DNAJC6: variants seen among roughly 807,000 people sequenced by gnomAD.
DNAJC6 encodes DnaJ heat shock protein family (Hsp40) member C6.
DNAJC6 carries 34 observed loss-of-function variants against 110.0 expected under a neutral mutation model. The ratio of observed to expected loss-of-function variants is 0.31; its 90% CI spans 0.24 to 0.41. DNAJC6 has a LOEUF of 0.41. Among genes scored for constraint, DNAJC6 ranks in the 10% least tolerant of loss-of-function variants. The pLI is 1.00. For missense variants in DNAJC6, 1,031 were observed against 1,207.8 expected, an observed-to-expected ratio of 0.85 and a Z score of 2.17; for synonymous variants, 406 against 437.2, an observed-to-expected ratio of 0.93 and a Z score of 0.89.
chr1:65,344,234 A>G (rs905616526), intron 1 of DNAJC6, among the ~76,000 whole-genome samples: 2 of 152,228 alleles, frequency 1.3e-5, no homozygotes, highest in Non-Finnish European at 2.9e-5. Flanking sequence ...CCTTACAATA[A>G]TGAATGATGG....
chr1:65,301,134 C>A (rs1644974677), intron 1 of DNAJC6, among the ~76,000 whole-genome samples: 1 of 152,078 alleles, frequency 6.6e-6, no homozygotes, highest in African/African-American at 2.4e-5. Flanking sequence ...CAGAACCAGC[C>A]CACTTGAGAA....
intron 1 of DNAJC6, among the ~76,000 whole-genome samples, chr1:65,321,601 A>G (rs576623705): frequency 6.6e-6 from 1 of 152,288 alleles, no homozygotes; most frequent in Non-Finnish European, 1.5e-5. Flanking sequence ...CTGCCCCTAC[A>G]CAGGCATCGC....
At chr1:65,278,495 T>C (rs981114151) in intron 1 of DNAJC6, among the ~76,000 whole-genome samples, 2 of 152,204 alleles carry the variant, frequency 1.3e-5, no homozygotes, top group African/African-American at 2.4e-5. Flanking sequence ...TACTTGAAAA[T>C]GTACTAAGTA....
chr1:65,334,529 T>C (rs577803824), intron 1 of DNAJC6, among the ~76,000 whole-genome samples: 1 of 152,310 alleles, frequency 6.6e-6, no homozygotes, highest in Admixed American at 6.5e-5. Context: ...CCCAGGTTAT[T>C]CAAGGCTTTG....
intron 13 of DNAJC6, 32 bp from the exon 14 acceptor site, chr1:65,398,781 G>C: frequency 6.2e-7 from 1 of 1,612,980 alleles, no homozygotes; most frequent in Non-Finnish European, 8.5e-7. Context: ...GAGCTCTCTT[G>C]TTCTCATTCT....
intron 4 of DNAJC6, among the ~76,000 whole-genome samples, chr1:65,368,721 T>TCTC (rs1645675729): frequency 9.1e-6 from 1 of 110,474 alleles, no homozygotes; most frequent in East Asian, 2.9e-4. Flanking sequence ...TTCTTCCTCT[T>TCTC]CTTCTTCTTC....
chr1:65,314,030 A>C (rs192181882), intron 1 of DNAJC6, among the ~76,000 whole-genome samples: 109 of 152,322 alleles, frequency 7.2e-4, no homozygotes, highest in African/African-American at 2.5e-3. Context: ...GTTCATAATG[A>C]CAAACTGAAA....
At position 65,318,620 on chromosome 1, in the gene DNAJC6, C is replaced by A. The variant is rs142457438; in HGVS notation, c.193+8682C>A. ...TGCAGGAACAGAAAACCAAACACTG[C>A]ATGTTCTCACTTATAAGCGGGAGCT... On this transcript the variant is annotated intron_variant, in intron 1 of 18. Coordinates refer to ENST00000371069, the MANE Select transcript of DNAJC6 (RefSeq NM_001256864.2). 1.3e-3 allele frequency among the ~76,000 whole-genome samples: 200 copies of A among 152,316 alleles called. 3 individuals carry two copies. Among genetic ancestry groups the A allele is most frequent in the African/African-American group, 4.5e-3 (185 of 41,568 alleles).
chr1:65,401,850 C>T lies in DNAJC6; in HGVS notation c.2197C>T (p.Leu733=). Residue 733 remains leucine (L), a synonymous_variant, in exon 15 of 19, where the codon CTG becomes TTG. Transcript: ENST00000371069. ...TPTHQSKPQT[L]DPFADLGTLG... ...CACCCATCAAAGCAAACCCCAGACTCTGGATCCTTTTGCCGACCTTGGGAC... is the reference window on the plus strand; with the variant it reads ...CACCCATCAAAGCAAACCCCAGACTTTGGATCCTTTTGCCGACCTTGGGAC... 6.2e-7 allele frequency: 1 copy of T among 1,613,810 alleles called. No individual in the cohort carries two copies. Among genetic ancestry groups the T allele is most frequent in the Middle Eastern group, 1.7e-4 (1 of 6,060 alleles).
At chr1:65,392,272 G>T (rs941238069) in intron 11 of DNAJC6, among the ~76,000 whole-genome samples, 159 bp from the exon 12 acceptor site, 1 of 152,184 alleles carries the variant, frequency 6.6e-6, no homozygotes, top group African/African-American at 2.4e-5. Flanking sequence ...TGAATGTAAC[G>T]TGAAATACAT....
upstream of DNAJC6, among the ~76,000 whole-genome samples, chr1:65,308,943 T>TG (rs199503526): frequency 0.73 from 110,858 of 151,314 alleles, 40,603 homozygotes; most frequent in East Asian, 0.83. Context: ...GGATCATCCC[T>TG]ATTCTGGAGA....
chr1:65,317,883 G>T (rs1645162445), intron 1 of DNAJC6, among the ~76,000 whole-genome samples: 1 of 152,234 alleles, frequency 6.6e-6, no homozygotes, highest in Non-Finnish European at 1.5e-5. Context: ...CACAGTGGAA[G>T]TTGATATTTG....
At chr1:65,389,753 A>G in intron 11 of DNAJC6, 126 bp downstream of exon 11, 2 of 1,006,374 alleles carry the variant, frequency 2.0e-6, no homozygotes, top group Non-Finnish European at 3.0e-6. Context: ...AGGCACACGG[A>G]CTCCCACCTG....
intron 1 of DNAJC6, among the ~76,000 whole-genome samples, chr1:65,311,820 G>C (rs1490438492): frequency 6.6e-6 from 1 of 152,172 alleles, no homozygotes; most frequent in Non-Finnish European, 1.5e-5. Context: ...TTTAAGAGTT[G>C]AAATTGGTTT....
At chr1:65,280,585 T>C (rs1336003632) in intron 1 of DNAJC6, among the ~76,000 whole-genome samples, 2 of 152,180 alleles carry the variant, frequency 1.3e-5, no homozygotes, top group African/African-American at 4.8e-5. Context: ...TTCCTTCTTC[T>C]CTCTCTCTTT....
intron 4 of DNAJC6, among the ~76,000 whole-genome samples, chr1:65,373,373 G>A (rs949507794): frequency 1.3e-5 from 2 of 152,104 alleles, no homozygotes; most frequent in African/African-American, 4.8e-5. Context: ...CCTCTATGGT[G>A]ATTGTACTAA....
Position 65,388,348 on chromosome 1 carries a change from CA to C in DNAJC6, c.1127del (p.Gln376ArgfsTer19). ...CATGTATTTTTAGGTGACCAACACA[CA>C]GATATTCCAGCTTCAGTTTCACACT... ...SRLQAKVTNTQIFQLQFHTGF... is the reference protein window; with the variant it reads ...SRLQAKVTNTXIFQLQFHTGF... On this transcript the variant is annotated frameshift_variant, in exon 9 of 19. Transcript: ENST00000371069. LOFTEE classifies it high-confidence loss of function. The C allele has an allele frequency of 6.2e-7, 1 of 1,613,978 alleles. No homozygotes were observed. Among genetic ancestry groups the C allele is most frequent in the Non-Finnish European group, 8.5e-7 (1 of 1,179,906 alleles).
Position 65,411,369 on chromosome 1 carries a change from A to T in DNAJC6, c.2754A>T (p.Thr918=). The change falls in exon 18 of 19, where the codon ACA becomes ACT. Residue 918 remains threonine (T), a synonymous_variant. Transcript: ENST00000371069. Reference sequence around the variant, plus strand: ...CAGTTGGCATGGCAGACCTGGTAACACCAGAGCAGGTGAAGAAGGTGTACA... The same window carrying T: ...CAGTTGGCATGGCAGACCTGGTAACTCCAGAGCAGGTGAAGAAGGTGTACA... ...WKPVGMADLV[T]PEQVKKVYRK... is the part of the protein sequence containing the mutation. 1.2e-6 allele frequency: 2 copies of T among 1,614,188 alleles called. No individual in the cohort carries two copies. The highest frequency in any genetic ancestry group is 2.7e-5 in the African/African-American group (2 of 75,058).
chr1:65,377,181 G>C (rs1288042031), intron 4 of DNAJC6, among the ~76,000 whole-genome samples: 1 of 152,204 alleles, frequency 6.6e-6, no homozygotes, highest in Non-Finnish European at 1.5e-5. Context: ...AAAATATTCA[G>C]TAAATGTCAA....
Sources: allele counts gnomAD v4.1 joint callset (sites outside exome capture counted in the v4.1 genomes callset), GRCh38; gene constraint gnomAD v4.1.1; transcripts MANE v1.5; gene names NCBI Gene and HGNC (gene_info 2026-07-23, HGNC 2026-07-21).